The following NLRP5 variants were observed in gnomAD, a reference collection of about 807,000 sequenced individuals.
The protein encoded by NLRP5 is NLR family pyrin domain containing 5, also known as NACHT, LRR and PYD domains-containing protein 5.
In NLRP5, 93 loss-of-function variants were observed where a neutral mutation model predicts 113.1. The ratio of observed to expected loss-of-function variants is 0.82; its 90% confidence interval spans 0.70 to 0.98. NLRP5 has a LOEUF of 0.98. Among genes scored for constraint, NLRP5 ranks in the 50% least tolerant of loss-of-function variants. The probability of loss-of-function intolerance (pLI) is 0.00; values close to 1 mark genes in which losing one functional copy is unlikely to be tolerated. For missense variants in NLRP5, 1,808 were observed against 1,514.3 expected, an observed-to-expected ratio of 1.19 and a Z score of -3.22; for synonymous variants, 751 against 600.7, an observed-to-expected ratio of 1.25 and a Z score of -3.66.
chr19:55,995,055 T>C (rs1221220055), upstream of NLRP5, among the ~76,000 whole-genome samples: 1 of 152,160 alleles, frequency 6.6e-6, no homozygotes, highest in Non-Finnish European at 1.5e-5. Context: ...TCATGCTCTT[T>C]GTAGGGACAT....
intron 4 of NLRP5, among the ~76,000 whole-genome samples, chr19:56,018,176 C>G (rs1019521373): frequency 6.6e-6 from 1 of 152,148 alleles, no homozygotes; most frequent in Non-Finnish European, 1.5e-5. Flanking sequence ...TAAAAATTTA[C>G]GCCTGTAACT....
At chr19:56,002,187 T>C (rs537757651) in intron 1 of NLRP5, among the ~76,000 whole-genome samples, 30 of 152,366 alleles carry the variant, frequency 2.0e-4, no homozygotes, top group African/African-American at 7.2e-4. Context: ...CATGTGCTCA[T>C]TAGCCATTTG....
intron 11 of NLRP5, 47 bp downstream of exon 11, chr19:56,041,139 T>A: frequency 6.4e-7 from 1 of 1,574,684 alleles, no homozygotes; most frequent in Non-Finnish European, 8.7e-7. Context: ...CTTTCTAACA[T>A]AGCATGGTGT....
chr19:56,051,389 C>G (rs1054441038), intron 12 of NLRP5, among the ~76,000 whole-genome samples: 2 of 152,106 alleles, frequency 1.3e-5, no homozygotes, highest in African/African-American at 4.8e-5. Context: ...GACGGAGTTT[C>G]ACCATGTCGG....
At chr19:56,005,392 TAC>T (rs143132116) in intron 2 of NLRP5, among the ~76,000 whole-genome samples, 4,480 of 148,262 alleles carry the variant, frequency 0.03, 229 homozygotes, top group African/African-American at 0.1. Context: ...TATATACATA[TAC>T]ACACACATAT....
chr19:56,061,020 A>T (rs577357819), intron 14 of NLRP5, among the ~76,000 whole-genome samples: 1 of 99,804 alleles, frequency 1.0e-5, no homozygotes, highest in East Asian at 2.3e-4. Flanking sequence ...ATGCATAATT[A>T]TCTATTCATG....
chr19:55,998,674 A>G (rs74182582), upstream of NLRP5, among the ~76,000 whole-genome samples: 34,413 of 72,964 alleles, frequency 0.47, 8,109 homozygotes, highest in East Asian at 0.66. Context: ...GTGTGTGTGT[A>G]TATATATATA....
intron 3 of NLRP5, among the ~76,000 whole-genome samples, chr19:56,015,300 A>G (rs866465453): frequency 5.2e-4 from 79 of 152,186 alleles, no homozygotes; most frequent in African/African-American, 1.9e-3. Flanking sequence ...GGTTCAGGCA[A>G]TTCTCCTGCC....
chr19:56,061,662 A>G lies in NLRP5; in HGVS notation c.*134A>G, dbSNP rs1299616709. On this transcript the variant is annotated 3_prime_UTR_variant, in exon 15 of 15. Transcript: ENST00000390649. The stretch of plus-strand genomic sequence containing the variant: ...ATTTCTGATTCTCACAAAGCCCTCA[A>G]TGGTAGTGATTCTTCTGTGTTCACT... 64 of 984,102 alleles carry G rather than the reference A, an allele frequency of 6.5e-5. No individual in the cohort carries two copies. The South Asian group carries it at 8.4e-4, about 13-fold the overall frequency. 61.0% of individuals were successfully genotyped at this position (984,102 alleles called of 1,614,324 possible). A position where few individuals can be genotyped will look rare whatever the true frequency, so the allele number is the denominator to read the frequency against.
chr19:56,028,111 C>T lies in NLRP5; in HGVS notation c.1878C>T (p.Phe626=), dbSNP rs1982947716. The T allele has an allele frequency of 1.2e-6, 2 of 1,614,030 alleles. No individual in the cohort carries two copies. The highest frequency in any genetic ancestry group is 4.5e-5 in the East Asian group (2 of 44,886). ...CCATGGAGCTTAAACAGGCAGGCTT[C>T]CATATCCACTCGCTTTGGATGAAGC... The change falls in exon 7 of 15, where the codon TTC becomes TTT. Residue 626 remains phenylalanine, a synonymous_variant. Transcript: ENST00000390649.
rs867623958 is a variant in NLRP5 at position 56,007,929 on chromosome 19, G to A, written c.443-859G>A. On this transcript the variant is annotated intron_variant, in intron 2 of 14. Coordinates refer to ENST00000390649, the MANE Select transcript of NLRP5 (RefSeq NM_153447.4). Reference sequence around the variant, plus strand: ...CGTGTGTGTGTGTGTGTGTGTGTGTGTGTGTTTGAAACAGAGTCTTGCTCT... The same window carrying A: ...CGTGTGTGTGTGTGTGTGTGTGTGTATGTGTTTGAAACAGAGTCTTGCTCT... Among the ~76,000 whole-genome samples the A allele has an allele frequency of 6.3e-4, 65 of 103,100 alleles. 10 individuals carry two copies. The highest frequency in any genetic ancestry group is 2.3e-3 in the African/African-American group (61 of 26,620). The allele number at this position is 103,100 out of a possible 152,430, so 67.6% of individuals were successfully genotyped here. A position where few individuals can be genotyped will look rare whatever the true frequency, so the allele number is the denominator to read the frequency against.
At chr19:56,010,031 C>A (rs549631928) in intron 3 of NLRP5, among the ~76,000 whole-genome samples, 2 of 152,202 alleles carry the variant, frequency 1.3e-5, no homozygotes, top group East Asian at 3.9e-4. Context: ...TGGCTTAGAG[C>A]GTAAAATAAA....
chr19:56,025,361 G>T (rs1156504309), intron 6 of NLRP5, among the ~76,000 whole-genome samples: 1 of 145,656 alleles, frequency 6.9e-6, no homozygotes, highest in Non-Finnish European at 1.6e-5. Context: ...GGCGGGATCT[G>T]TTTGACCTCA....
intron 2 of NLRP5, among the ~76,000 whole-genome samples, chr19:56,005,520 A>G (rs532845314): frequency 1.4e-5 from 2 of 145,480 alleles, no homozygotes; most frequent in African/African-American, 5.3e-5. Flanking sequence ...ATATATATTT[A>G]TACACACACA....
upstream of NLRP5, among the ~76,000 whole-genome samples, chr19:55,998,273 C>G (rs1052986822): frequency 3.3e-5 from 5 of 152,086 alleles, no homozygotes; most frequent in East Asian, 7.7e-4. Context: ...AGGAAGATCA[C>G]TTGAGCCCAG....
intron 12 of NLRP5, among the ~76,000 whole-genome samples, 152 bp downstream of exon 12, chr19:56,050,740 G>A (rs79626027): frequency 0.097 from 14,819 of 152,248 alleles, 762 homozygotes; most frequent in African/African-American, 0.13. Context: ...GGTAAACTGA[G>A]GTGTTGACAC....
chr19:56,017,781 C>T (rs887805683), intron 4 of NLRP5, among the ~76,000 whole-genome samples: 5 of 152,110 alleles, frequency 3.3e-5, no homozygotes, highest in African/African-American at 2.4e-5. Context: ...CGGTAAATAG[C>T]GTCACTATGT....
At chr19:56,018,597 C>CT (rs916321118) in intron 4 of NLRP5, 9 of 152,134 alleles carry the variant, frequency 5.9e-5, no homozygotes, top group African/African-American at 2.2e-4. Context: ...AAATCCAATT[C>CT]TTTTTTTAAG....
chr19:56,012,915 G>A (rs1272416808), intron 3 of NLRP5, among the ~76,000 whole-genome samples: 1 of 152,084 alleles, frequency 6.6e-6, no homozygotes, highest in Non-Finnish European at 1.5e-5. Flanking sequence ...TTAAAGTTGA[G>A]AGAAAATTCA....
Sources: allele counts gnomAD v4.1 joint callset (sites outside exome capture counted in the v4.1 genomes callset), GRCh38; gene constraint gnomAD v4.1.1; transcripts MANE v1.5; gene names NCBI Gene and HGNC (gene_info 2026-07-23, HGNC 2026-07-21).